Variants in TERB2 observed in about 807,000 individuals in gnomAD.
TERB2 encodes telomere repeat binding bouquet formation protein 2, also known as telomere repeats-binding bouquet formation protein 2.
Under a neutral mutation model 29.8 loss-of-function variants are expected in TERB2, and 26 were observed. That is an observed-to-expected ratio of 0.87 (90% CI 0.64 to 1.21). The LOEUF is 1.21. Among genes scored for constraint, TERB2 ranks in the 50% most tolerant of loss-of-function variants. The pLI, the probability that TERB2 is intolerant of heterozygous loss-of-function variation, is 0.00. For missense variants in TERB2, 240 were observed against 268.6 expected, an observed-to-expected ratio of 0.89 and a Z score of 0.74; for synonymous variants, 80 against 90.8, an observed-to-expected ratio of 0.88 and a Z score of 0.68.
chr15:44,974,874 A>G (rs1158507568), intron 6 of TERB2, among the ~76,000 whole-genome samples: 1 of 152,144 alleles, frequency 6.6e-6, no homozygotes, highest in Non-Finnish European at 1.5e-5. Flanking sequence ...GTCTTGCCAT[A>G]TTACTATCCC....
At chr15:44,959,451 T>C (rs1891768899) in intron 3 of TERB2, among the ~76,000 whole-genome samples, 1 of 152,118 alleles carries the variant, frequency 6.6e-6, no homozygotes, top group Non-Finnish European at 1.5e-5. Context: ...TCACTGCAAC[T>C]CCACCTCCTG....
At chr15:44,967,276 C>A (rs1891905883) in intron 5 of TERB2, among the ~76,000 whole-genome samples, 1 of 152,310 alleles carries the variant, frequency 6.6e-6, no homozygotes, top group East Asian at 1.9e-4. Context: ...CTTCAGAAGT[C>A]TGTTTTATCC....
intron 5 of TERB2, among the ~76,000 whole-genome samples, chr15:44,972,354 T>C (rs912054684): frequency 6.6e-6 from 1 of 152,130 alleles, no homozygotes; most frequent in East Asian, 1.9e-4. Flanking sequence ...AGGAAAATAA[T>C]AAATTTAAGG....
intron 5 of TERB2, among the ~76,000 whole-genome samples, chr15:44,972,699 A>G (rs1009707072): frequency 2.0e-5 from 3 of 151,742 alleles, no homozygotes; most frequent in African/African-American, 7.3e-5. Flanking sequence ...TATTTTTAGT[A>G]GAGACAGGGT....
Position 44,962,326 on chromosome 15 carries a change from C to T in TERB2, c.348+742C>T, listed in dbSNP as rs1265681703. Among the ~76,000 whole-genome samples the T allele has an allele frequency of 6.6e-5, 10 of 151,438 alleles. No individual in the cohort carries two copies. In the South Asian group the frequency reaches 1.5e-3, roughly 22 times the overall value. On this transcript the variant is annotated intron_variant, in intron 4 of 6. Transcript: ENST00000340827. ...CCTCCAGAGTAGCTGGGACCACGGG[C>T]GCCAGCCACCAAGCCCAGCTATTTT...
At chr15:44,977,557 G>A (rs1477941676) in intron 6 of TERB2, among the ~76,000 whole-genome samples, 2 of 152,102 alleles carry the variant, frequency 1.3e-5, no homozygotes, top group Admixed American at 1.3e-4. Flanking sequence ...TATAGTAATA[G>A]TGCTTCAAGA....
intron 6 of TERB2, among the ~76,000 whole-genome samples, chr15:44,974,988 A>T (rs897344118): frequency 7.9e-5 from 12 of 152,206 alleles, no homozygotes; most frequent in Admixed American, 6.5e-4. Context: ...TTGGACATGT[A>T]ATAGTGCTGC....
intron 5 of TERB2, 51 bp downstream of exon 5, chr15:44,966,294 G>A (rs768801269): frequency 2.6e-6 from 3 of 1,175,800 alleles, no homozygotes; most frequent in Non-Finnish European, 3.5e-6. Flanking sequence ...AGAAATCTGT[G>A]AGCACTGATT....
intron 4 of TERB2, among the ~76,000 whole-genome samples, chr15:44,962,647 G>A (rs1407611246): frequency 6.6e-6 from 1 of 152,076 alleles, no homozygotes. Context: ...AAAACAAGAA[G>A]AAGAAAAGTG....
intron 6 of TERB2, among the ~76,000 whole-genome samples, chr15:44,977,414 A>AT (rs1245814681): frequency 1.2e-4 from 19 of 152,314 alleles, no homozygotes; most frequent in Non-Finnish European, 2.5e-4. Context: ...TTAAATTCCT[A>AT]TCCTCACACA....
At chr15:44,965,915 G>C (rs753462236) in intron 4 of TERB2, among the ~76,000 whole-genome samples, 1 of 151,740 alleles carries the variant, frequency 6.6e-6, no homozygotes, top group South Asian at 2.1e-4. Flanking sequence ...ACCACAGCTG[G>C]TATATTTAAA....
intron 4 of TERB2, among the ~76,000 whole-genome samples, chr15:44,963,797 T>C (rs947049086): frequency 6.7e-6 from 1 of 148,826 alleles, no homozygotes; most frequent in Non-Finnish European, 1.5e-5. Context: ...GTATTTATTA[T>C]ACTATTCTTT....
At chr15:44,975,551 T>G (rs1198553489) in intron 6 of TERB2, among the ~76,000 whole-genome samples, 2 of 152,150 alleles carry the variant, frequency 1.3e-5, no homozygotes, top group Admixed American at 1.3e-4. Context: ...AAATACAAGT[T>G]GGGGCAATAG....
intron 6 of TERB2, 100 bp downstream of exon 6, chr15:44,974,055 G>A (rs1892009118): frequency 8.8e-7 from 1 of 1,137,620 alleles, no homozygotes; most frequent in Non-Finnish European, 1.1e-6. Context: ...AGAGAGTAGA[G>A]CCTTCTCTAG....
intron 4 of TERB2, among the ~76,000 whole-genome samples, chr15:44,965,459 GAT>G (rs1317515201): frequency 2.9e-5 from 4 of 137,752 alleles, no homozygotes; most frequent in East Asian, 2.1e-4. Context: ...TATTTATAAA[GAT>G]ATATATATTT....
chr15:44,961,355 C>T (rs1303521228), intron 3 of TERB2, among the ~76,000 whole-genome samples, 168 bp from the exon 4 acceptor site: 1 of 151,222 alleles, frequency 6.6e-6, no homozygotes, highest in African/African-American at 2.4e-5. Flanking sequence ...TCCAGAGCTC[C>T]TCCTCAATGA....
chr15:44,968,467 T>C (rs1184581199), intron 5 of TERB2, among the ~76,000 whole-genome samples: 1 of 152,006 alleles, frequency 6.6e-6, no homozygotes, highest in Non-Finnish European at 1.5e-5. Context: ...GTGATCCACC[T>C]GCTTCAGCCT....
intron 4 of TERB2, among the ~76,000 whole-genome samples, chr15:44,963,113 T>C (rs1449883932): frequency 1.3e-5 from 2 of 152,194 alleles, no homozygotes; most frequent in Non-Finnish European, 2.9e-5. Context: ...AAACCCTCAA[T>C]TTAATAATTG....
intron 5 of TERB2, among the ~76,000 whole-genome samples, chr15:44,972,318 A>G (rs1267003776): frequency 6.6e-6 from 1 of 152,018 alleles, no homozygotes; most frequent in African/African-American, 2.4e-5. Flanking sequence ...AGCCTTTGCT[A>G]TTACTCAGTG....
Sources: gnomAD v4.1 joint callset for allele counts (sites outside exome capture counted in the v4.1 genomes callset) on GRCh38, gnomAD v4.1.1 for gene constraint, MANE v1.5 for transcripts, NCBI Gene and HGNC (gene_info 2026-07-23, HGNC 2026-07-21) for gene names.